Variants in PAX5 observed in about 807,000 individuals in gnomAD.
The protein encoded by PAX5 is paired box protein Pax-5.
A neutral mutation model predicts 43.7 loss-of-function variants in PAX5; 9 were observed. The ratio of observed to expected loss-of-function variants is 0.21; its 90% confidence interval spans 0.12 to 0.36. PAX5 has a LOEUF of 0.36. Among genes scored for constraint, PAX5 ranks in the 10% least tolerant of loss-of-function variants. PAX5 has a pLI of 1.00. For missense variants in PAX5, 383 were observed against 532.7 expected (o/e 0.72, Z 2.77); for synonymous variants, 228 against 214.3 (o/e 1.06, Z -0.56).
At chr9:36,963,377 C>A (rs1834134274) in intron 6 of PAX5, among the ~76,000 whole-genome samples, 1 of 152,076 alleles carries the variant, frequency 6.6e-6, no homozygotes, top group Non-Finnish European at 1.5e-5. Flanking sequence ...GTCCTTCAAG[C>A]CCCCCATCCA....
intron 6 of PAX5, among the ~76,000 whole-genome samples, chr9:36,955,514 C>T (rs1403986868): frequency 6.6e-6 from 1 of 151,894 alleles, no homozygotes; most frequent in African/African-American, 2.4e-5. Flanking sequence ...TACCTAGTGC[C>T]CATTTCATGG....
In PAX5 at chr9:36,839,598, G is replaced by A; in HGVS notation, c.*962C>T. On this transcript the variant is annotated 3_prime_UTR_variant, in exon 10 of 10. Transcript: ENST00000358127. ...CCATGGCAGGTGTCCGAAGTGACCT[G>A]AACCTGGGCATGCCTCAGAAAACAC... 4.3e-6 allele frequency: 1 copy of A among 233,396 alleles called. No homozygotes were observed. Among genetic ancestry groups the A allele is most frequent in the Non-Finnish European group, 8.5e-6 (1 of 118,130 alleles). The allele number at this position is 233,396 out of a possible 1,614,324, so 14.5% of individuals were successfully genotyped here. A position where few individuals can be genotyped will look rare whatever the true frequency, so the allele number is the denominator to read the frequency against.
At chr9:36,937,756 C>T (rs757978485) in intron 6 of PAX5, among the ~76,000 whole-genome samples, 4 of 152,284 alleles carry the variant, frequency 2.6e-5, no homozygotes, top group East Asian at 3.9e-4. Context: ...TAGGTTTAGC[C>T]GCAGATGTTG....
chr9:36,894,752 C>A (rs921478923), intron 7 of PAX5, among the ~76,000 whole-genome samples: 1 of 152,242 alleles, frequency 6.6e-6, no homozygotes, highest in Non-Finnish European at 1.5e-5. Flanking sequence ...GTGCCTCCTG[C>A]GCTCCACAGC....
At chr9:36,876,307 G>T (rs1397958105) in intron 8 of PAX5, among the ~76,000 whole-genome samples, 1 of 152,204 alleles carries the variant, frequency 6.6e-6, no homozygotes, top group Non-Finnish European at 1.5e-5. Flanking sequence ...CAATTGAAAG[G>T]CATCTAGAAA....
chr9:36,855,306 G>T (rs1823555817), intron 8 of PAX5, among the ~76,000 whole-genome samples: 1 of 152,218 alleles, frequency 6.6e-6, no homozygotes, highest in Admixed American at 6.5e-5. Context: ...TAGATCTGTT[G>T]TACTTGCCTC....
At chr9:36,914,438 G>A (rs1452359793) in intron 7 of PAX5, among the ~76,000 whole-genome samples, 2 of 152,162 alleles carry the variant, frequency 1.3e-5, no homozygotes, top group Admixed American at 6.5e-5. Context: ...GGCTATGTCT[G>A]GGGCTGTTGC....
intron 1 of PAX5, chr9:37,026,652 C>A (rs1840407316): frequency 7.4e-7 from 1 of 1,349,386 alleles, no homozygotes; most frequent in Non-Finnish European, 9.7e-7. Context: ...GGATAGGGAG[C>A]CTCGCCACCA....
At chr9:36,990,353 G>A (rs747367492) in intron 5 of PAX5, among the ~76,000 whole-genome samples, 5 of 152,190 alleles carry the variant, frequency 3.3e-5, no homozygotes, top group African/African-American at 7.2e-5. Flanking sequence ...ACAGGACAGA[G>A]CATGTGGTGT....
At chr9:36,847,036 G>C (rs114870743) in intron 8 of PAX5, 107 bp from the exon 9 acceptor site, 1 of 707,620 alleles carries the variant, frequency 1.4e-6, no homozygotes, top group Middle Eastern at 2.7e-4. Flanking sequence ...TGCCTCTTCC[G>C]TGAGTTGCAG....
chr9:36,881,933 TG>T (rs552566484), intron 8 of PAX5, 70 bp downstream of exon 8: 108 of 1,107,850 alleles, frequency 9.7e-5, no homozygotes, highest in Middle Eastern at 2.5e-4. Context: ...CCAGGCTGTT[TG>T]GGGGGGGATG....
chr9:36,840,451 G>A lies in PAX5; in HGVS notation c.*109C>T, dbSNP rs367584406. The A allele has an allele frequency of 3.7e-5, 40 of 1,075,840 alleles. No homozygotes were observed. The African/African-American group carries it at 5.5e-4, about 15-fold the overall frequency. The allele number at this position is 1,075,840 out of a possible 1,614,324, so 66.6% of individuals were successfully genotyped here. A position where few individuals can be genotyped will look rare whatever the true frequency, so the allele number is the denominator to read the frequency against. On this transcript the variant is annotated 3_prime_UTR_variant, in exon 10 of 10. Transcript: ENST00000358127. The stretch of plus-strand genomic sequence containing the variant: ...AAGAGGGGAGCTTCAGGCAAGTGGG[G>A]GATGCTGGGGGACGGTCTCATGGGC...
chr9:36,958,976 C>G (rs899190064), intron 6 of PAX5, among the ~76,000 whole-genome samples: 3 of 152,212 alleles, frequency 2.0e-5, no homozygotes, highest in African/African-American at 7.2e-5. Flanking sequence ...CAGCCCTGCT[C>G]CCTGCACTAG....
In PAX5 at chr9:37,015,641, G is replaced by A. The variant is rs897645027; in HGVS notation, c.213-447C>T. Among the ~76,000 whole-genome samples, 3 of 151,226 alleles carry A rather than the reference G, an allele frequency of 2.0e-5. No individual in the cohort carries two copies. In the East Asian group the frequency reaches 5.8e-4, roughly 29 times the overall value. ...GTTGCCCAGGCTGGAATGCAATGGC[G>A]TGATCTTGGCTCACTGCAACCTCCG... On this transcript the variant is annotated intron_variant, in intron 2 of 9. Transcript: ENST00000358127. This position sits in a 1 kb window ranked among gnomAD's most constrained non-coding sequence, Gnocchi z 4.4.
chr9:36,992,192 G>C (rs866553371), intron 5 of PAX5, among the ~76,000 whole-genome samples: 2 of 128,238 alleles, frequency 1.6e-5, no homozygotes, highest in Admixed American at 1.9e-4. Flanking sequence ...AGAAGCCCCT[G>C]TGGAATCAGA....
At chr9:36,985,673 A>G (rs1836331458) in intron 5 of PAX5, among the ~76,000 whole-genome samples, 1 of 152,176 alleles carries the variant, frequency 6.6e-6, no homozygotes, top group Admixed American at 6.5e-5. Context: ...GCCTGGCCAC[A>G]GAGCATGGGG....
chr9:36,919,521 G>T (rs1266798316), intron 7 of PAX5, among the ~76,000 whole-genome samples: 1 of 152,162 alleles, frequency 6.6e-6, no homozygotes, highest in Non-Finnish European at 1.5e-5. Flanking sequence ...GTTCTGGAAA[G>T]AATTCACTAT....
intron 7 of PAX5, among the ~76,000 whole-genome samples, chr9:36,916,985 C>G (rs191061082): frequency 6.6e-6 from 1 of 152,066 alleles, no homozygotes; most frequent in Admixed American, 6.6e-5. Flanking sequence ...GCACCCAGCT[C>G]TTTTATTATG....
chr9:36,843,120 G>A (rs1161854974), intron 9 of PAX5, among the ~76,000 whole-genome samples: 1 of 151,790 alleles, frequency 6.6e-6, no homozygotes, highest in East Asian at 1.9e-4. Context: ...GTATGAGTGT[G>A]AGCGTGCGTC....
Sources: gnomAD v4.1 joint callset for allele counts (sites outside exome capture counted in the v4.1 genomes callset) on GRCh38, gnomAD v4.1.1 for gene constraint, Gnocchi (gnomAD v3.1) non-coding constraint, MANE v1.5 for transcripts, NCBI Gene and HGNC (gene_info 2026-07-23, HGNC 2026-07-21) for gene names.